Variants in PRKCQ observed in about 807,000 individuals in gnomAD.
PRKCQ encodes protein kinase C theta type.
In PRKCQ, 41 loss-of-function variants were observed where a neutral mutation model predicts 91.2. The observed-to-expected ratio is 0.45, with a 90% CI of 0.35 to 0.58. PRKCQ has a LOEUF of 0.58. Ranked by LOEUF, PRKCQ falls within the 20% of genes least tolerant of loss-of-function variation. PRKCQ has a pLI of 0.00. For missense variants in PRKCQ, 673 were observed against 896.5 expected (o/e 0.75, Z 3.18); for synonymous variants, 307 against 316.9 (o/e 0.97, Z 0.33).
chr10:6,413,285 T>C, the PRKCQ span, among the ~76,000 whole-genome samples: 2 of 149,614 alleles, frequency 1.3e-5, no homozygotes, highest in Non-Finnish European at 3.0e-5. Context: ...TTTCAACCAC[T>C]CTAAAAAAGT....
At chr10:6,566,446 G>A (rs573440538) in intron 1 of PRKCQ, among the ~76,000 whole-genome samples, 2 of 152,122 alleles carry the variant, frequency 1.3e-5, no homozygotes, top group South Asian at 4.1e-4. Context: ...CAAAATATTC[G>A]AATCAGGGGG....
intron 11 of PRKCQ, among the ~76,000 whole-genome samples, chr10:6,479,754 A>AC (rs1199259045): frequency 2.2e-5 from 3 of 133,650 alleles, no homozygotes; most frequent in Admixed American, 7.9e-5. Flanking sequence ...ACATGGTGAA[A>AC]CCCCGTCTCG....
In PRKCQ at chr10:6,488,896, C is replaced by T. The variant is rs77930599; in HGVS notation, c.791-2752G>A. Among the ~76,000 whole-genome samples the T allele has an allele frequency of 4.8e-3, 728 of 152,214 alleles. 1 individual carries two copies. The highest frequency in any genetic ancestry group is 0.017 in the African/African-American group (704 of 41,512). ...CTGGGTTCAAGCCATCCTCTTGCCT[C>T]AGCCTCTTGTGTAGCTGAGACCACA... On this transcript the variant is annotated intron_variant, in intron 8 of 17. Transcript: ENST00000263125.
chr10:6,439,661 C>T (rs1293499949), intron 16 of PRKCQ, among the ~76,000 whole-genome samples: 1 of 148,062 alleles, frequency 6.8e-6, no homozygotes, highest in Admixed American at 6.8e-5. Context: ...GAACAGTAAA[C>T]ACATTTTCCT....
the PRKCQ span, among the ~76,000 whole-genome samples, chr10:6,410,139 CAA>C: frequency 6.6e-6 from 1 of 152,216 alleles, no homozygotes; most frequent in African/African-American, 2.4e-5. Context: ...TTACCACTGA[CAA>C]GAAATCCTAG....
the PRKCQ span, among the ~76,000 whole-genome samples, chr10:6,415,405 C>CATAT: frequency 4.6e-3 from 482 of 104,620 alleles, 11 homozygotes; most frequent in Middle Eastern, 6.7e-3. Flanking sequence ...CAAGAAAATA[C>CATAT]ATATATATAT....
intron 1 of PRKCQ, among the ~76,000 whole-genome samples, chr10:6,535,925 G>C (rs530746877): frequency 2.0e-5 from 3 of 152,294 alleles, no homozygotes; most frequent in African/African-American, 4.8e-5. Context: ...CTCCCACATG[G>C]AGTTCTAGGA....
In PRKCQ at chr10:6,498,318, C is replaced by G. The variant is rs1026187008; in HGVS notation, c.542+78G>C. ...CTCCAGCACACCCCCCACAGTGGAGCATGCCAGCGTAGAGGATTAAGAAGA... is the reference window on the plus strand; with the variant it reads ...CTCCAGCACACCCCCCACAGTGGAGGATGCCAGCGTAGAGGATTAAGAAGA... On this transcript the variant is annotated intron_variant, in intron 5 of 17. Coordinates refer to ENST00000263125, the MANE Select transcript of PRKCQ (RefSeq NM_006257.5). 1.5e-5 allele frequency: 23 copies of G among 1,524,238 alleles called. No individual in the cohort carries two copies. In the Admixed American group the frequency reaches 1.9e-4, roughly 12 times the overall value. The allele number at this position is 1,524,238 out of a possible 1,614,324, so 94.4% of individuals were successfully genotyped here. A position where few individuals can be genotyped will look rare whatever the true frequency, so the allele number is the denominator to read the frequency against.
intron 1 of PRKCQ, among the ~76,000 whole-genome samples, chr10:6,558,334 C>T (rs183635924): frequency 6.6e-6 from 1 of 152,284 alleles, no homozygotes; most frequent in Admixed American, 6.5e-5. Flanking sequence ...AACAATCTTC[C>T]CTTACACACT....
chr10:6,482,804 A>G (rs1392519464), intron 11 of PRKCQ, among the ~76,000 whole-genome samples: 1 of 152,174 alleles, frequency 6.6e-6, no homozygotes, highest in Non-Finnish European at 1.5e-5. Flanking sequence ...GTGGCAGGTG[A>G]GAGGGCATGT....
chr10:6,472,574 G>A (rs1473963746), intron 12 of PRKCQ, among the ~76,000 whole-genome samples: 6 of 152,188 alleles, frequency 3.9e-5, no homozygotes, highest in East Asian at 3.9e-4. Context: ...AGAGAGATGC[G>A]ACTGTGATCT....
chr10:6,434,268 G>A lies in PRKCQ; in HGVS notation c.1837-3330C>T, dbSNP rs1031661912. ...GAAGTAACTGCCCTGGGCCGTGTGT[G>A]CTGCAGGCTGGGTTTTCTATTCTAT... On this transcript the variant is annotated intron_variant, in intron 16 of 17. Transcript: ENST00000263125. 2.0e-5 allele frequency among the ~76,000 whole-genome samples: 3 copies of A among 152,164 alleles called. No homozygotes were observed. The South Asian group carries it at 6.2e-4, about 32-fold the overall frequency.
intron 1 of PRKCQ, among the ~76,000 whole-genome samples, chr10:6,543,825 C>T (rs955956262): frequency 6.6e-6 from 1 of 152,208 alleles, no homozygotes; most frequent in Admixed American, 6.5e-5. Flanking sequence ...CACTCCCATG[C>T]ACCGCGCATC....
the PRKCQ span, among the ~76,000 whole-genome samples, chr10:6,404,255 G>GAGGGAGAGA: frequency 2.9e-5 from 1 of 34,368 alleles, no homozygotes; most frequent in East Asian, 7.6e-4. Flanking sequence ...GAAGGGGGGG[G>GAGGGAGAGA]GAGAGAGAGA....
intron 1 of PRKCQ, among the ~76,000 whole-genome samples, chr10:6,570,676 T>C (rs546339328): frequency 6.6e-6 from 1 of 151,598 alleles, no homozygotes; most frequent in African/African-American, 2.4e-5. Context: ...TGCCTCAGCC[T>C]CCCGAGTAGC....
rs537776891 is a variant in PRKCQ at position 6,468,707 on chromosome 10, T to A, written c.1354-4303A>T. On this transcript the variant is annotated intron_variant, in intron 12 of 17. Transcript: ENST00000263125. ...ATTTTACACAAGAGAATATTTGCAA[T>A]CTCTGCAAAATAAATAAAATTAAGA... Among the ~76,000 whole-genome samples the A allele has an allele frequency of 7.9e-5, 12 of 152,326 alleles. No individual in the cohort carries two copies. In the South Asian group the frequency reaches 2.5e-3, roughly 32 times the overall value.
At chr10:6,454,053 C>G (rs1349814074) in intron 15 of PRKCQ, among the ~76,000 whole-genome samples, 1 of 151,912 alleles carries the variant, frequency 6.6e-6, no homozygotes, top group Non-Finnish European at 1.5e-5. Context: ...CACATGTACC[C>G]TAAAACTTAA....
intron 1 of PRKCQ, among the ~76,000 whole-genome samples, chr10:6,516,622 C>G (rs1406555428): frequency 6.6e-6 from 1 of 152,194 alleles, no homozygotes; most frequent in African/African-American, 2.4e-5. Flanking sequence ...GGAAAAATCA[C>G]TAAGAATCAT....
intron 1 of PRKCQ, among the ~76,000 whole-genome samples, chr10:6,555,206 G>A (rs147389212): frequency 1.3e-5 from 2 of 151,596 alleles, no homozygotes; most frequent in Admixed American, 6.6e-5. Flanking sequence ...GGGATCAATC[G>A]CACCCTAAAC....
Sources: allele counts gnomAD v4.1 joint callset (sites outside exome capture counted in the v4.1 genomes callset), GRCh38; gene constraint gnomAD v4.1.1; transcripts MANE v1.5; gene names NCBI Gene and HGNC (gene_info 2026-07-23, HGNC 2026-07-21).